Variants in EBF1 observed in about 807,000 individuals in gnomAD.
The protein encoded by EBF1 is transcription factor COE1.
EBF1 carries 10 observed loss-of-function variants against 68.4 expected under a neutral mutation model. The ratio of observed to expected loss-of-function variants is 0.15; its 90% CI spans 0.09 to 0.25. The LOEUF (loss-of-function observed/expected upper bound fraction) is 0.25. EBF1 is among the 10% of genes least tolerant of loss of function. EBF1 has a pLI of 1.00. For synonymous variants in EBF1, 298 were observed against 299.8 expected (o/e 0.99, Z 0.06); for missense variants, 509 against 794.4 (o/e 0.64, Z 4.32).
chr5:158,738,911 T>C (rs1765747204), intron 10 of EBF1, among the ~76,000 whole-genome samples: 1 of 152,232 alleles, frequency 6.6e-6, no homozygotes, highest in African/African-American at 2.4e-5. Context: ...TCTCTGTGCC[T>C]AGGCTCCTGA....
intron 10 of EBF1, among the ~76,000 whole-genome samples, chr5:158,737,266 A>ATTTTTTTTTT (rs61380054): frequency 3.8e-4 from 21 of 55,640 alleles, no homozygotes; most frequent in Non-Finnish European, 4.5e-4. Flanking sequence ...ACATGCCCTG[A>ATTTTTTTTTT]TTTTTTTTTT....
At chr5:158,732,253 T>G (rs1013414140) in intron 10 of EBF1, among the ~76,000 whole-genome samples, 4 of 152,184 alleles carry the variant, frequency 2.6e-5, no homozygotes, top group Non-Finnish European at 4.4e-5. Context: ...TTGCCACACG[T>G]TTTGCTTAAA....
chr5:158,859,392 C>A (rs1455186069), intron 6 of EBF1, among the ~76,000 whole-genome samples: 1 of 152,150 alleles, frequency 6.6e-6, no homozygotes, highest in Non-Finnish European at 1.5e-5. Context: ...CCCAGATTTT[C>A]CCATTCGGAG....
At chr5:159,031,390 C>A (rs1768825027) in intron 6 of EBF1, among the ~76,000 whole-genome samples, 1 of 152,188 alleles carries the variant, frequency 6.6e-6, no homozygotes, top group African/African-American at 2.4e-5. Flanking sequence ...TTGGGGGAAG[C>A]AGTAACCCCC....
intron 6 of EBF1, among the ~76,000 whole-genome samples, chr5:158,871,092 C>T (rs904537168): frequency 1.3e-5 from 2 of 152,094 alleles, no homozygotes; most frequent in African/African-American, 2.4e-5. Flanking sequence ...AGATGAATTC[C>T]CTATCACAGC....
chr5:158,733,436 T>C (rs952855771), intron 10 of EBF1, among the ~76,000 whole-genome samples: 3 of 152,120 alleles, frequency 2.0e-5, no homozygotes, highest in Non-Finnish European at 4.4e-5. Context: ...CTGTCTGATG[T>C]ATGGCGGGGA....
chr5:158,755,282 T>G (rs1283654539), intron 10 of EBF1, among the ~76,000 whole-genome samples: 1 of 152,134 alleles, frequency 6.6e-6, no homozygotes, highest in Non-Finnish European at 1.5e-5. Context: ...TTTCCTACCC[T>G]GAGCCCCCTG....
Position 159,097,098 on chromosome 5 carries a change from T to A in EBF1, c.167A>T (p.Lys56Met). The change falls in exon 2 of 16, where the codon AAG (lysine) becomes ATG (methionine). Residue 56 changes from lysine (K) to methionine (M), a missense_variant. Transcript: ENST00000313708. ...TTTCCGCAGATTGGAAGGCGGCTGC[T>A]TCTCAAAGTGAGCCCGGGCCAGACC... The part of the protein sequence containing the change: ...GVGLARAHFE[K>M]QPPSNLRKSN... 2 of 1,614,002 alleles carry A rather than the reference T, an allele frequency of 1.2e-6. No individual in the cohort carries two copies. Among genetic ancestry groups the A allele is most frequent in the Non-Finnish European group, 1.7e-6 (2 of 1,179,970 alleles).
chr5:158,781,069 A>G (rs1316701354), intron 9 of EBF1, among the ~76,000 whole-genome samples: 1 of 152,202 alleles, frequency 6.6e-6, no homozygotes, highest in Non-Finnish European at 1.5e-5. Flanking sequence ...TTATGAGACA[A>G]TAATCATAAG....
chr5:158,981,177 T>C (rs1481826798), intron 6 of EBF1, among the ~76,000 whole-genome samples: 1 of 151,332 alleles, frequency 6.6e-6, no homozygotes, highest in Admixed American at 6.6e-5. Flanking sequence ...AAACTGACTA[T>C]AATATCCTTG....
intron 6 of EBF1, among the ~76,000 whole-genome samples, chr5:159,069,039 C>T (rs1371634919): frequency 1.3e-5 from 2 of 151,982 alleles, no homozygotes; most frequent in African/African-American, 4.8e-5. Context: ...AAAATTCTTA[C>T]AGGTACATAA....
intron 6 of EBF1, among the ~76,000 whole-genome samples, chr5:159,006,619 A>T (rs1175153323): frequency 6.9e-6 from 1 of 144,588 alleles, no homozygotes. Context: ...GTAATTTCAC[A>T]AACTCATATA....
At chr5:158,711,258 TA>T (rs1759202277) in intron 14 of EBF1, among the ~76,000 whole-genome samples, 1 of 152,210 alleles carries the variant, frequency 6.6e-6, no homozygotes, top group Non-Finnish European at 1.5e-5. Flanking sequence ...AGGAATGTCT[TA>T]TTTTTTTTTA....
At chr5:158,923,000 C>T (rs546730058) in intron 6 of EBF1, among the ~76,000 whole-genome samples, 4 of 152,302 alleles carry the variant, frequency 2.6e-5, no homozygotes, top group Admixed American at 2.6e-4. Context: ...AATGGCTGAG[C>T]CTACAATTAG....
chr5:158,875,818 T>C (rs938928931), intron 6 of EBF1, among the ~76,000 whole-genome samples: 5 of 152,266 alleles, frequency 3.3e-5, no homozygotes, highest in Non-Finnish European at 7.3e-5. Flanking sequence ...ATGATATCCA[T>C]GTGGTTACAC....
At chr5:158,717,765 T>C (rs1761075970) in intron 11 of EBF1, among the ~76,000 whole-genome samples, 1 of 152,136 alleles carries the variant, frequency 6.6e-6, no homozygotes, top group Admixed American at 6.6e-5. Context: ...ACAATTTTTC[T>C]GCTCATGGCC....
At chr5:159,027,558 A>G (rs1767940248) in intron 6 of EBF1, among the ~76,000 whole-genome samples, 1 of 152,218 alleles carries the variant, frequency 6.6e-6, no homozygotes, top group South Asian at 2.1e-4. Flanking sequence ...CTTGCTGAAA[A>G]TGCAAATTCC....
chr5:159,032,207 G>A (rs1769056852), intron 6 of EBF1, among the ~76,000 whole-genome samples: 1 of 152,142 alleles, frequency 6.6e-6, no homozygotes. Context: ...ATCATCTCCT[G>A]TAATCCTGAT....
intron 10 of EBF1, among the ~76,000 whole-genome samples, chr5:158,774,890 A>G (rs1335303283): frequency 6.6e-6 from 1 of 152,032 alleles, no homozygotes; most frequent in Non-Finnish European, 1.5e-5. Flanking sequence ...TTAACAGCCA[A>G]GTAACTATAC....
Sources: allele counts gnomAD v4.1 joint callset (sites outside exome capture counted in the v4.1 genomes callset), GRCh38; gene constraint gnomAD v4.1.1; transcripts MANE v1.5; gene names NCBI Gene and HGNC (gene_info 2026-07-23, HGNC 2026-07-21).